FAM13A: variants seen among roughly 807,000 people sequenced by gnomAD.
FAM13A encodes the protein protein FAM13A.
FAM13A carries 76 observed loss-of-function variants against 129.6 expected under a neutral mutation model. The ratio of observed to expected loss-of-function variants is 0.59; its 90% CI spans 0.49 to 0.71. The LOEUF (loss-of-function observed/expected upper bound fraction) is 0.71. Ranked by LOEUF, FAM13A falls within the 30% of genes least tolerant of loss-of-function variation. FAM13A has a pLI of 0.00. For synonymous variants in FAM13A, 443 were observed against 449.9 expected (o/e 0.98, Z 0.20); for missense variants, 1,108 against 1,249.3 (o/e 0.89, Z 1.70).
chr4:88,771,049 A>G (rs1720574268), intron 11 of FAM13A, among the ~76,000 whole-genome samples: 1 of 152,140 alleles, frequency 6.6e-6, no homozygotes, highest in Non-Finnish European at 1.5e-5. Context: ...TGGTTTCACT[A>G]AAACAGCATG....
In FAM13A at chr4:88,758,768, T is replaced by A. The variant is rs1744212564; in HGVS notation, c.1712A>T (p.Glu571Val). ...PQSDLTALCD[E>V]KNWEEPIPAF... The stretch of plus-strand genomic sequence containing the variant: ...GACAACCCTACCTTCCCAGTTCTTT[T>A]CATCACACAATGCAGTCAGGTCCGA... The change falls in exon 14 of 24, where the codon GAA (glutamate) becomes GTA (valine). Residue 571 changes from glutamate to valine, a missense_variant. Glu to Val is a moderately radical substitution (Grantham distance 121). Around this residue, in one of 3 missense-constraint regions of FAM13A, gnomAD observed 529 missense variants for 621.2 expected, o/e 0.85. Transcript: ENST00000264344. 1 of 1,613,368 alleles carries A rather than the reference T, an allele frequency of 6.2e-7. No individual in the cohort carries two copies.
intron 20 of FAM13A, among the ~76,000 whole-genome samples, chr4:88,738,106 T>C (rs1287375849): frequency 6.6e-6 from 1 of 152,218 alleles, no homozygotes; most frequent in Non-Finnish European, 1.5e-5. Flanking sequence ...CTGAGATCTC[T>C]GGACCCTCCT....
intron 14 of FAM13A, among the ~76,000 whole-genome samples, chr4:88,756,847 AG>A (rs1299065013): frequency 1.3e-5 from 2 of 152,182 alleles, no homozygotes; most frequent in Non-Finnish European, 2.9e-5. Context: ...TAAAAAAAAA[AG>A]GTCACTGAAA....
intron 13 of FAM13A, among the ~76,000 whole-genome samples, chr4:88,766,563 T>C (rs1409783795): frequency 6.6e-6 from 1 of 152,180 alleles, no homozygotes; most frequent in African/African-American, 2.4e-5. Context: ...TCTAGGAATT[T>C]TATGCACATT....
intron 6 of FAM13A, among the ~76,000 whole-genome samples, chr4:88,881,485 G>A (rs1383947286): frequency 6.6e-6 from 1 of 152,156 alleles, no homozygotes; most frequent in Admixed American, 6.5e-5. Flanking sequence ...AGCTGACCTT[G>A]AGCTCCAGAT....
intron 14 of FAM13A, among the ~76,000 whole-genome samples, chr4:88,756,282 T>C (rs1444001344): frequency 6.6e-6 from 1 of 152,218 alleles, no homozygotes; most frequent in African/African-American, 2.4e-5. Context: ...TACATTCACT[T>C]TGCGAGAGTT....
At chr4:88,946,238 C>A (rs114928391) in intron 4 of FAM13A, among the ~76,000 whole-genome samples, 1 of 151,336 alleles carries the variant, frequency 6.6e-6, no homozygotes, top group African/African-American at 2.4e-5. Flanking sequence ...AGGTCCTATT[C>A]CAGCCAATGG....
chr4:88,755,246 A>C (rs1743392308), intron 14 of FAM13A, among the ~76,000 whole-genome samples: 2 of 152,192 alleles, frequency 1.3e-5, no homozygotes, highest in Admixed American at 1.3e-4. Context: ...GTTTCAAAGA[A>C]GGCAAACTTA....
intron 3 of FAM13A, among the ~76,000 whole-genome samples, chr4:89,014,311 C>A (rs1269129253): frequency 6.6e-6 from 1 of 152,130 alleles, no homozygotes; most frequent in Non-Finnish European, 1.5e-5. Flanking sequence ...TTGATTTAAC[C>A]CATTACCACT....
chr4:88,988,094 T>C (rs1281358377), intron 4 of FAM13A, among the ~76,000 whole-genome samples: 1 of 152,082 alleles, frequency 6.6e-6, no homozygotes, highest in African/African-American at 2.4e-5. Flanking sequence ...TGTCTACCTA[T>C]GTAACAAACT....
In FAM13A at chr4:88,987,029, C is replaced by T. The variant is rs560027152; in HGVS notation, c.605+3944G>A. On this transcript the variant is annotated intron_variant, in intron 4 of 23. Transcript: ENST00000264344. ...AAGCCCCTTGGAGAAATGGTTAATTCCATCCTGAGACATCATCTTTAGCTG... is the reference window on the plus strand; with the variant it reads ...AAGCCCCTTGGAGAAATGGTTAATTTCATCCTGAGACATCATCTTTAGCTG... 1.5e-3 allele frequency among the ~76,000 whole-genome samples: 234 copies of T among 152,228 alleles called. 1 individual carries two copies. The highest frequency in any genetic ancestry group is 9.3e-3 in the South Asian group (45 of 4,826).
At chr4:88,842,336 T>C (rs534320047) in intron 7 of FAM13A, among the ~76,000 whole-genome samples, 111 of 152,348 alleles carry the variant, frequency 7.3e-4, no homozygotes, top group Non-Finnish European at 1.3e-3. Context: ...TTTGAAATAA[T>C]GTGGTTGTAA....
intron 1 of FAM13A, 127 bp downstream of exon 1, chr4:89,056,811 C>A: frequency 1.1e-6 from 1 of 902,474 alleles, no homozygotes; most frequent in Non-Finnish European, 1.7e-6. Flanking sequence ...ATTTAAGTAA[C>A]AAATCTTTCC....
chr4:88,951,875 A>G (rs1757006108), intron 4 of FAM13A, among the ~76,000 whole-genome samples: 1 of 152,180 alleles, frequency 6.6e-6, no homozygotes, highest in African/African-American at 2.4e-5. Flanking sequence ...GAGTCTCTCC[A>G]ACTCATCTTA....
chr4:88,883,016 A>T (rs1358112832), intron 6 of FAM13A, among the ~76,000 whole-genome samples: 1 of 152,158 alleles, frequency 6.6e-6, no homozygotes, highest in African/African-American at 2.4e-5. Context: ...TTTATAAAAT[A>T]ATTACTACTA....
At chr4:88,874,241 G>A (rs1468224983) in intron 6 of FAM13A, among the ~76,000 whole-genome samples, 1 of 152,168 alleles carries the variant, frequency 6.6e-6, no homozygotes, top group Non-Finnish European at 1.5e-5. Context: ...AGACAGGGAT[G>A]CCCTCTCTCA....
intron 4 of FAM13A, among the ~76,000 whole-genome samples, chr4:88,938,851 T>C (rs962365178): frequency 2.0e-5 from 3 of 152,218 alleles, no homozygotes; most frequent in Admixed American, 1.3e-4. Context: ...GGTAAACTTC[T>C]TCAGTAACAT....
chr4:88,932,318 G>A (rs1753152258), intron 5 of FAM13A, among the ~76,000 whole-genome samples: 2 of 152,132 alleles, frequency 1.3e-5, no homozygotes, highest in Non-Finnish European at 2.9e-5. Flanking sequence ...TACTTGTGAG[G>A]TTACTGTCAG....
intron 8 of FAM13A, among the ~76,000 whole-genome samples, chr4:88,791,740 C>T: frequency 6.6e-6 from 1 of 152,098 alleles, no homozygotes; most frequent in Non-Finnish European, 1.5e-5. Context: ...TAATTTTCAA[C>T]ATATGAATAT....
Sources: allele counts gnomAD v4.1 joint callset (sites outside exome capture counted in the v4.1 genomes callset), GRCh38; gene constraint gnomAD v4.1.1; regional missense constraint gnomAD v4.1.1; transcripts MANE v1.5; gene names NCBI Gene and HGNC (gene_info 2026-07-23, HGNC 2026-07-21).